Variants in RRAS2 observed in about 807,000 individuals in gnomAD.
RRAS2 encodes RAS related 2, also known as ras-related protein R-Ras2.
In RRAS2, 7 loss-of-function variants were observed where a neutral mutation model predicts 27.6. That is an observed-to-expected ratio of 0.25 (90% CI 0.14 to 0.48). The LOEUF (loss-of-function observed/expected upper bound fraction) is 0.48, where lower values mean the gene tolerates loss of function less well. RRAS2 is among the 20% of genes least tolerant of loss of function. The pLI, the probability that RRAS2 is intolerant of heterozygous loss-of-function variation, is 0.99. For missense variants in RRAS2, 178 were observed against 256.2 expected, an observed-to-expected ratio of 0.69 and a Z score of 2.08; for synonymous variants, 86 against 90.9, an observed-to-expected ratio of 0.95 and a Z score of 0.31.
At chr11:14,308,186 C>A in intron 1 of RRAS2, 1 of 384,760 alleles carries the variant, frequency 2.6e-6, no homozygotes. Flanking sequence ...GAAAGATACA[C>A]AAGAAACTGA....
At chr11:14,357,721 G>A (rs985804437) in intron 1 of RRAS2, among the ~76,000 whole-genome samples, 11 of 152,112 alleles carry the variant, frequency 7.2e-5, no homozygotes, top group Non-Finnish European at 1.3e-4. Flanking sequence ...AAGGAAACCA[G>A]ACAAAAATAT....
chr11:14,345,235 C>T (rs1277279186), intron 1 of RRAS2, among the ~76,000 whole-genome samples: 1 of 152,106 alleles, frequency 6.6e-6, no homozygotes, highest in Non-Finnish European at 1.5e-5. Context: ...ATCTGCCCTA[C>T]TCAGCCTCCC....
chr11:14,311,723 T>A (rs890986699), intron 1 of RRAS2, among the ~76,000 whole-genome samples: 2 of 152,176 alleles, frequency 1.3e-5, no homozygotes, highest in Non-Finnish European at 2.9e-5. Context: ...ACTGGAAAAT[T>A]ATTTCAATAA....
At chr11:14,317,258 A>G (rs1470581222) in intron 1 of RRAS2, among the ~76,000 whole-genome samples, 1 of 152,232 alleles carries the variant, frequency 6.6e-6, no homozygotes, top group Non-Finnish European at 1.5e-5. Flanking sequence ...TGCAAGACAG[A>G]CCTGTAAAGA....
Position 14,279,362 on chromosome 11 carries a change from T to G in RRAS2, c.590A>C (p.Lys197Thr), listed in dbSNP as rs1554943957. The change falls in exon 6 of 6, where the codon AAA (lysine) becomes ACA (threonine). Residue 197 changes from lysine (K) to threonine (T), a missense_variant. Lys to Thr is a moderately conservative substitution (Grantham distance 78, BLOSUM62 -1). Transcript: ENST00000256196. ...PEPTRKEKDK[K>T]GCHCVIF ...CTAGAAAATGACACAATGGCAGCCT[T>G]TCTTGTCTTTTTCTTTCCGTGTTGG... 1 of 1,611,758 alleles carries G rather than the reference T, an allele frequency of 6.2e-7. No individual in the cohort carries two copies. The highest frequency in any genetic ancestry group is 2.2e-5 in the East Asian group (1 of 44,860).
chr11:14,296,524 T>G (rs1383547316), intron 1 of RRAS2, among the ~76,000 whole-genome samples: 1 of 152,218 alleles, frequency 6.6e-6, no homozygotes. Flanking sequence ...AATTCAGACC[T>G]ATTTGAATTA....
intron 1 of RRAS2, among the ~76,000 whole-genome samples, chr11:14,302,305 C>G (rs1191050333): frequency 6.6e-6 from 1 of 152,124 alleles, no homozygotes; most frequent in East Asian, 1.9e-4. Context: ...AAAACACGTA[C>G]TATGTTTTTT....
chr11:14,284,923 T>C (rs578252637), intron 4 of RRAS2, among the ~76,000 whole-genome samples: 1 of 152,342 alleles, frequency 6.6e-6, no homozygotes, highest in South Asian at 2.1e-4. Flanking sequence ...AGTAGATTTC[T>C]TGTAGCATCT....
intron 4 of RRAS2, among the ~76,000 whole-genome samples, chr11:14,283,908 G>A (rs1849604075): frequency 6.6e-6 from 1 of 151,944 alleles, no homozygotes; most frequent in South Asian, 2.1e-4. Context: ...TACCCAGGAT[G>A]GTCTTGAACT....
At chr11:14,282,681 T>G (rs1164499289) in intron 4 of RRAS2, among the ~76,000 whole-genome samples, 1 of 152,070 alleles carries the variant, frequency 6.6e-6, no homozygotes, top group African/African-American at 2.4e-5. Flanking sequence ...CAAAGAAAAT[T>G]TAAGAACCTA....
intron 1 of RRAS2, among the ~76,000 whole-genome samples, chr11:14,334,654 T>A (rs1251993853): frequency 6.6e-6 from 1 of 151,822 alleles, no homozygotes; most frequent in Non-Finnish European, 1.5e-5. Context: ...CCTGCATCCA[T>A]AAACATAGCC....
chr11:14,345,057 A>G (rs546565894), intron 1 of RRAS2, among the ~76,000 whole-genome samples: 94 of 134,610 alleles, frequency 7.0e-4, no homozygotes, highest in Admixed American at 1.4e-3. Flanking sequence ...GTGTGATCTC[A>G]GCTCACTGCA....
At chr11:14,279,508 C>G in intron 5 of RRAS2, 84 bp from the exon 6 acceptor site, 2 of 1,014,538 alleles carry the variant, frequency 2.0e-6, no homozygotes, top group Non-Finnish European at 1.6e-6. Flanking sequence ...TACAAGTTCA[C>G]TTTTAAGTGT....
chr11:14,353,747 G>A (rs1370435696), intron 1 of RRAS2, among the ~76,000 whole-genome samples: 7 of 152,090 alleles, frequency 4.6e-5, no homozygotes, highest in Non-Finnish European at 8.8e-5. Flanking sequence ...AGAAACTGCA[G>A]GTTAAAATTT....
At chr11:14,341,599 AT>A (rs1206169542) in intron 1 of RRAS2, among the ~76,000 whole-genome samples, 2 of 152,124 alleles carry the variant, frequency 1.3e-5, no homozygotes, top group African/African-American at 4.8e-5. Context: ...CAAAAAAAAA[AT>A]AAAAATAAAA....
chr11:14,350,157 T>G (rs962276588), intron 1 of RRAS2, among the ~76,000 whole-genome samples: 1 of 152,226 alleles, frequency 6.6e-6, no homozygotes, highest in African/African-American at 2.4e-5. Flanking sequence ...AAAGGTAGTA[T>G]ACACACAGTA....
upstream of RRAS2, among the ~76,000 whole-genome samples, chr11:14,363,777 TA>T (rs760727949): frequency 6.2e-5 from 8 of 129,162 alleles, no homozygotes; most frequent in Non-Finnish European, 9.8e-5. Context: ...TCTCAAAAAA[TA>T]AAATAAAATA....
In RRAS2 at chr11:14,326,888, G is replaced by A. The variant is rs1285815746; in HGVS notation, c.109-31033C>T. Among the ~76,000 whole-genome samples the A allele has an allele frequency of 2.9e-5, 2 of 68,416 alleles. 1 individual carries two copies. The highest frequency in any genetic ancestry group is 1.4e-3 in the South Asian group (2 of 1,476). 44.9% of individuals were successfully genotyped at this position (68,416 alleles called of 152,430 possible). ...ATCCCGGCTAAAACGGTGAAACCCCGTCTCTACTAAAAATACAAAAAAATT... is the reference window on the plus strand; with the variant it reads ...ATCCCGGCTAAAACGGTGAAACCCCATCTCTACTAAAAATACAAAAAAATT... On this transcript the variant is annotated intron_variant, in intron 1 of 5. Transcript: ENST00000256196.
At chr11:14,352,754 TATAGAGAG>T (rs1468897224) in intron 1 of RRAS2, among the ~76,000 whole-genome samples, 2 of 118,740 alleles carry the variant, frequency 1.7e-5, no homozygotes, top group African/African-American at 3.1e-5. Context: ...AATATATATA[TATAGAGAG>T]AGAGAGAGAG....
Sources: gnomAD v4.1 joint callset for allele counts (sites outside exome capture counted in the v4.1 genomes callset) on GRCh38, gnomAD v4.1.1 for gene constraint, MANE v1.5 for transcripts, NCBI Gene and HGNC (gene_info 2026-07-23, HGNC 2026-07-21) for gene names.